The following ANK3 variants were observed in gnomAD, a reference collection of about 807,000 sequenced individuals.
ANK3 encodes the protein ankyrin-3.
A neutral mutation model predicts 370.9 loss-of-function variants in ANK3; 57 were observed. The ratio of observed to expected loss-of-function variants is 0.15; its 90% CI spans 0.12 to 0.19. ANK3 has a LOEUF of 0.19. ANK3 is among the 10% of genes least tolerant of loss of function. ANK3 has a pLI of 1.00. For missense variants in ANK3, 4,439 were observed against 5,302.1 expected, an observed-to-expected ratio of 0.84 and a Z score of 5.06; for synonymous variants, 1,929 against 1,946.3, an observed-to-expected ratio of 0.99 and a Z score of 0.23.
At position 60,040,318 on chromosome 10, in the gene ANK3, C is replaced by CTTTT. The variant is rs1371126360; in HGVS notation, c.*19+2353_*19+2354insAAAA. On this transcript the variant is annotated intron_variant, in intron 43 of 43. Transcript: ENST00000280772. ...TTTTTTTTTTTAAAGAGGCAGCCAGCATGACTATAAAAACTCTCAATATAT... is the reference window on the plus strand; with the variant it reads ...TTTTTTTTTTTAAAGAGGCAGCCAGCTTTTATGACTATAAAAACTCTCAATATAT... Among the ~76,000 whole-genome samples, 68 of 151,840 alleles carry CTTTT rather than the reference C, an allele frequency of 4.5e-4. 4 individuals are homozygous for CTTTT. The highest frequency in any genetic ancestry group is 1.5e-3 in the African/African-American group (64 of 41,434).
intron 13 of ANK3, among the ~76,000 whole-genome samples, chr10:60,199,829 G>A (rs1195703881): frequency 6.6e-6 from 1 of 152,198 alleles, no homozygotes; most frequent in Non-Finnish European, 1.5e-5. Flanking sequence ...TCTCCACGGA[G>A]TGTGAAGAAC....
Position 60,109,054 on chromosome 10 carries a change from C to A in ANK3, c.2949G>T (p.Gly983=), listed in dbSNP as rs765402364. The change falls in exon 27 of 44, where the codon GGG becomes GGT. Residue 983 remains glycine (G), a splice_region_variant and synonymous_variant. Transcript: ENST00000280772. ...VNLVSSPIHS[G]FLVSFMVDAR... ...CGTCCACCATAAAGCTAACCAGAAA[C>A]CTGAGGGGAGAAGATCAGAGGCCAA... 11 of 1,612,126 alleles carry A rather than the reference C, an allele frequency of 6.8e-6. No individual in the cohort carries two copies. The highest frequency in any genetic ancestry group is 3.9e-4 in the Middle Eastern group (2 of 5,122).
At chr10:60,598,022 T>C (rs898513768) in intron 2 of ANK3, among the ~76,000 whole-genome samples, 2 of 152,204 alleles carry the variant, frequency 1.3e-5, no homozygotes, top group African/African-American at 4.8e-5. Context: ...TAGAGTTAAT[T>C]ATATTCCTAA....
exon 1 of ANK3, chr10:60,733,296 AGAG>A: frequency 6.5e-6 from 8 of 1,238,004 alleles, no homozygotes; most frequent in Non-Finnish European, 8.1e-6. Flanking sequence ...TGCCCGCGGG[AGAG>A]GAGGAGGCGG....
chr10:60,720,715 C>T (rs964341448), intron 1 of ANK3, among the ~76,000 whole-genome samples: 10 of 152,120 alleles, frequency 6.6e-5, no homozygotes, highest in South Asian at 2.1e-4. Context: ...TGGGCTCAAG[C>T]GGTCCTCCCA....
chr10:60,197,666 T>C (rs1041966696), intron 14 of ANK3, among the ~76,000 whole-genome samples: 2 of 152,232 alleles, frequency 1.3e-5, no homozygotes, highest in East Asian at 1.9e-4. Context: ...CATTAATCTT[T>C]CTTATCTGCA....
At chr10:60,719,032 T>C (rs1165171469) in intron 1 of ANK3, among the ~76,000 whole-genome samples, 2 of 152,156 alleles carry the variant, frequency 1.3e-5, no homozygotes, top group African/African-American at 4.8e-5. Flanking sequence ...TCCATTCCCC[T>C]GAGACAACCA....
Position 60,524,480 on chromosome 10 carries a change from G to A in ANK3, c.96+90706C>T, listed in dbSNP as rs138471792. On this transcript the variant is annotated intron_variant, in intron 2 of 43. Coordinates refer to the ANK3 transcript ENST00000373827. ...CCATGCTCTTCTAGTGATAGTGAAT[G>A]AATCTCATGAGATCTGATGGTTTTA... Among the ~76,000 whole-genome samples the A allele has an allele frequency of 2.4e-3, 365 of 152,186 alleles. 1 individual carries two copies. Among genetic ancestry groups the A allele is most frequent in the African/African-American group, 8.3e-3 (346 of 41,556 alleles).
chr10:60,439,837 T>A (rs531569263), intron 2 of ANK3, among the ~76,000 whole-genome samples: 36 of 152,372 alleles, frequency 2.4e-4, no homozygotes, highest in South Asian at 2.1e-3. Context: ...TGACAATTCA[T>A]GACTGTAATT....
At chr10:60,108,150 AT>A in intron 27 of ANK3, 3 of 411,666 alleles carry the variant, frequency 7.3e-6, no homozygotes, top group Non-Finnish European at 1.4e-5. Flanking sequence ...AAAAAAAAAA[AT>A]TGTAGACATT....
chr10:60,550,301 G>C (rs533360069), intron 2 of ANK3, among the ~76,000 whole-genome samples: 10 of 151,924 alleles, frequency 6.6e-5, no homozygotes, highest in Middle Eastern at 3.4e-3. Flanking sequence ...AGACACATAA[G>C]CAGCTTTTAG....
At chr10:60,469,625 GTATA>G (rs36050397) in intron 2 of ANK3, among the ~76,000 whole-genome samples, 96 of 1,772 alleles carry the variant, frequency 0.054, 35 homozygotes, top group Middle Eastern at 0.12. Context: ...ATATATGGTG[GTATA>G]TATATATATA....
rs144378480 is a variant in ANK3 at position 60,495,286 on chromosome 10, T to G, written c.96+119900A>C. Among the ~76,000 whole-genome samples the G allele has an allele frequency of 3.2e-3, 482 of 152,330 alleles. 9 individuals carry two copies. The highest frequency in any genetic ancestry group is 0.011 in the African/African-American group (464 of 41,578). On this transcript the variant is annotated intron_variant, in intron 2 of 43. Transcript: ENST00000373827. ...TAAGGCTCATGCTATAGTTCTAGAATGCTACTACTCAAAATGTGGTCCAGG... is the reference window on the plus strand; with the variant it reads ...TAAGGCTCATGCTATAGTTCTAGAAGGCTACTACTCAAAATGTGGTCCAGG...
At chr10:60,565,596 G>A (rs746527339) in intron 2 of ANK3, among the ~76,000 whole-genome samples, 23 of 152,184 alleles carry the variant, frequency 1.5e-4, no homozygotes, top group African/African-American at 3.4e-4. Flanking sequence ...GTATCTTGCC[G>A]TAACTCACCC....
chr10:60,237,022 T>C (rs1396528924), intron 7 of ANK3, among the ~76,000 whole-genome samples: 2 of 152,240 alleles, frequency 1.3e-5, no homozygotes. Context: ...AGTGGTTTGC[T>C]GACCCCTGCT....
chr10:60,421,834 G>C (rs1205059312), intron 2 of ANK3, among the ~76,000 whole-genome samples: 1 of 151,996 alleles, frequency 6.6e-6, no homozygotes, highest in African/African-American at 2.4e-5. Flanking sequence ...ATAAACAAGT[G>C]GTATCAGTCA....
intron 2 of ANK3, among the ~76,000 whole-genome samples, chr10:60,554,867 G>T (rs930196257): frequency 2.5e-4 from 38 of 152,086 alleles, no homozygotes; most frequent in African/African-American, 8.7e-4. Flanking sequence ...TTAATGCCAT[G>T]AATCAATATA....
chr10:60,566,102 A>G (rs2077454370), intron 2 of ANK3, among the ~76,000 whole-genome samples: 1 of 152,112 alleles, frequency 6.6e-6, no homozygotes, highest in Non-Finnish European at 1.5e-5. Context: ...GTGATCTAGG[A>G]TCAGTGATGT....
intron 1 of ANK3, among the ~76,000 whole-genome samples, chr10:60,371,476 A>C (rs2060103377): frequency 6.6e-6 from 1 of 152,154 alleles, no homozygotes; most frequent in African/African-American, 2.4e-5. Flanking sequence ...AAGGGACTGG[A>C]AGCATGTTTT....
Sources: allele counts gnomAD v4.1 joint callset (sites outside exome capture counted in the v4.1 genomes callset), GRCh38; gene constraint gnomAD v4.1.1; transcripts MANE v1.5; gene names NCBI Gene and HGNC (gene_info 2026-07-23, HGNC 2026-07-21).